Variants in DPH6 observed in about 807,000 individuals in gnomAD.
DPH6 encodes the protein diphthamine biosynthesis 6.
Under a neutral mutation model 38.2 loss-of-function variants are expected in DPH6, and 33 were observed. The ratio of observed to expected loss-of-function variants is 0.86; its 90% CI spans 0.65 to 1.15. The LOEUF is 1.15. DPH6 is among the 50% of genes most tolerant of loss of function. The pLI is 0.00. For missense variants in DPH6, 325 were observed against 320.0 expected (o/e 1.02, Z -0.12); for synonymous variants, 108 against 103.0 (o/e 1.05, Z -0.30).
chr15:35,226,478 T>A (rs554980837), intron 3 of DPH6, among the ~76,000 whole-genome samples: 1 of 152,356 alleles, frequency 6.6e-6, no homozygotes, highest in African/African-American at 2.4e-5. Flanking sequence ...TATAGTTGTA[T>A]GGAAAGCCTT....
chr15:35,520,309 C>T, intron 3 of DPH6: 3 of 978,720 alleles, frequency 3.1e-6, no homozygotes, highest in Non-Finnish European at 3.6e-6. Flanking sequence ...CATAAAAACT[C>T]AAAGTAAAAT....
chr15:35,182,564 C>T, the DPH6 span, among the ~76,000 whole-genome samples: 2 of 151,980 alleles, frequency 1.3e-5, no homozygotes, highest in African/African-American at 2.4e-5. Context: ...TATAACATGC[C>T]TTTGCAAATT....
At chr15:35,369,894 C>T (rs1174768965), downstream of DPH6, among the ~76,000 whole-genome samples, 1 of 151,486 alleles carries the variant, frequency 6.6e-6, no homozygotes, top group Non-Finnish European at 1.5e-5. Context: ...TATCAAGAGA[C>T]AAAAAACCCA....
the DPH6 span, among the ~76,000 whole-genome samples, chr15:35,158,834 C>T: frequency 6.6e-6 from 1 of 152,030 alleles, no homozygotes; most frequent in African/African-American, 2.4e-5. Context: ...TTCTGACCAC[C>T]TCTGACTTTA....
At chr15:35,522,618 C>T (rs1221253694) in intron 3 of DPH6, among the ~76,000 whole-genome samples, 1 of 152,078 alleles carries the variant, frequency 6.6e-6, no homozygotes, top group African/African-American at 2.4e-5. Context: ...TGGCTGACAT[C>T]CTGTTGATTT....
chr15:35,515,879 C>A (rs1385920370), intron 3 of DPH6, among the ~76,000 whole-genome samples: 1 of 152,034 alleles, frequency 6.6e-6, no homozygotes, highest in East Asian at 1.9e-4. Flanking sequence ...GCCTGGACAA[C>A]AAAGTGAGAC....
chr15:35,171,033 A>G, the DPH6 span, among the ~76,000 whole-genome samples: 2 of 152,200 alleles, frequency 1.3e-5, no homozygotes, highest in African/African-American at 4.8e-5. Context: ...TTCTTGTACA[A>G]ATACAGTTAT....
chr15:35,256,818 G>A (rs574173864), intron 3 of DPH6, among the ~76,000 whole-genome samples: 14 of 152,266 alleles, frequency 9.2e-5, no homozygotes, highest in Non-Finnish European at 2.1e-4. Context: ...AGTTTAGTTC[G>A]GGGTCAATGA....
At chr15:35,404,876 T>C (rs1342731641) in intron 6 of DPH6, among the ~76,000 whole-genome samples, 2 of 152,132 alleles carry the variant, frequency 1.3e-5, no homozygotes, top group Non-Finnish European at 2.9e-5. Context: ...TTTAAGTCTT[T>C]AATCCATTTT....
At chr15:35,422,730 T>C (rs1230793167) in intron 5 of DPH6, among the ~76,000 whole-genome samples, 2 of 151,898 alleles carry the variant, frequency 1.3e-5, no homozygotes, top group African/African-American at 4.8e-5. Flanking sequence ...AATCCTCCTC[T>C]CCATCCTCTG....
chr15:35,317,375 G>T (rs191663161), intron 3 of DPH6, among the ~76,000 whole-genome samples: 2 of 134,258 alleles, frequency 1.5e-5, no homozygotes, highest in Non-Finnish European at 3.2e-5. Flanking sequence ...AGAAAGAAAA[G>T]GAAAGAAAAA....
intron 3 of DPH6, among the ~76,000 whole-genome samples, chr15:35,250,850 A>G (rs936487714): frequency 3.9e-5 from 6 of 152,220 alleles, no homozygotes; most frequent in East Asian, 1.9e-4. Context: ...AATTTTCACT[A>G]TCATTCTAAC....
chr15:35,208,141 A>C, the DPH6 span, among the ~76,000 whole-genome samples: 6 of 152,246 alleles, frequency 3.9e-5, no homozygotes, highest in East Asian at 1.9e-4. Flanking sequence ...GTTTAGCTTA[A>C]ATAATTTGAA....
chr15:35,187,538 C>CT, the DPH6 span, among the ~76,000 whole-genome samples: 55 of 152,180 alleles, frequency 3.6e-4, no homozygotes, highest in East Asian at 8.9e-3. Flanking sequence ...TGCCCAGCTG[C>CT]TTTTTTTGTC....
downstream of DPH6, among the ~76,000 whole-genome samples, chr15:35,213,848 C>G (rs534396531): frequency 1.1e-4 from 17 of 152,336 alleles, no homozygotes; most frequent in South Asian, 2.1e-4. Context: ...CGCGGTGGCT[C>G]ACGCCTGTAA....
intron 3 of DPH6, among the ~76,000 whole-genome samples, chr15:35,347,719 C>T (rs1444056030): frequency 6.6e-6 from 1 of 151,902 alleles, no homozygotes; most frequent in Admixed American, 6.6e-5. Context: ...TCCATATTGG[C>T]TGTATTCCAT....
chr15:35,218,881 A>C (rs1475058351), exon 4 of DPH6: 1 of 152,152 alleles, frequency 6.6e-6, no homozygotes, highest in African/African-American at 2.4e-5. Flanking sequence ...ACACCAAGAG[A>C]GTCCATATTG....
At chr15:35,484,645 T>A (rs974861798) in intron 3 of DPH6, among the ~76,000 whole-genome samples, 1 of 152,134 alleles carries the variant, frequency 6.6e-6, no homozygotes, top group Non-Finnish European at 1.5e-5. Context: ...CAGGAGAGAA[T>A]GCATACAAGA....
intron 3 of DPH6, among the ~76,000 whole-genome samples, chr15:35,478,404 C>CACACACACAT (rs1337564814): frequency 7.3e-6 from 1 of 136,230 alleles, no homozygotes; most frequent in South Asian, 2.4e-4. Context: ...CACACACACA[C>CACACACACAT]AAAGATTGTA....
Sources: gnomAD v4.1 joint callset for allele counts (sites outside exome capture counted in the v4.1 genomes callset) on GRCh38, gnomAD v4.1.1 for gene constraint, MANE v1.5 for transcripts, NCBI Gene and HGNC (gene_info 2026-07-23, HGNC 2026-07-21) for gene names.